MYO1H: variants seen among roughly 807,000 people sequenced by gnomAD.
MYO1H encodes myosin IH.
MYO1H carries 118 observed loss-of-function variants against 149.3 expected under a neutral mutation model. The ratio of observed to expected loss-of-function variants is 0.79; its 90% confidence interval spans 0.68 to 0.92. MYO1H has a LOEUF of 0.92. Among genes scored for constraint, MYO1H ranks in the 40% least tolerant of loss-of-function variants. The probability of loss-of-function intolerance (pLI) is 0.00; values close to 1 mark genes in which losing one functional copy is unlikely to be tolerated. For synonymous variants in MYO1H, 447 were observed against 465.2 expected (o/e 0.96, Z 0.50); for missense variants, 1,212 against 1,280.7 (o/e 0.95, Z 0.82).
At chr12:109,441,804 T>C in intron 26 of MYO1H, 96 bp downstream of exon 26, 4 of 819,172 alleles carry the variant, frequency 4.9e-6, no homozygotes, top group Non-Finnish European at 7.6e-6. Flanking sequence ...CTCAGCACTT[T>C]GGGAGGCCGA....
intron 1 of MYO1H, among the ~76,000 whole-genome samples, chr12:109,369,401 A>G (rs568158755): frequency 1.3e-5 from 2 of 152,336 alleles, no homozygotes; most frequent in South Asian, 4.1e-4. Context: ...AAACCAAATG[A>G]TATCGAGGCA....
At chr12:109,363,558 C>A (rs1002746936) in intron 1 of MYO1H, among the ~76,000 whole-genome samples, 3 of 151,894 alleles carry the variant, frequency 2.0e-5, no homozygotes, top group Non-Finnish European at 4.4e-5. Flanking sequence ...ACTAAAAATA[C>A]AAAATTAGCT....
At chr12:109,312,333 C>T in the MYO1H span, among the ~76,000 whole-genome samples, 431 of 152,300 alleles carry the variant, frequency 2.8e-3, 7 homozygotes, top group Non-Finnish European at 5.1e-4. Flanking sequence ...CTGCCTCAGC[C>T]TCCCGAGTAG....
chr12:109,398,845 TA>T (rs1250150969), intron 5 of MYO1H, among the ~76,000 whole-genome samples: 2 of 151,566 alleles, frequency 1.3e-5, no homozygotes, highest in African/African-American at 4.8e-5. Context: ...TACAGCCAGA[TA>T]GTAAGTATTT....
rs747619015 is a variant in MYO1H at position 109,415,606 on chromosome 12, C to T, written c.1583C>T (p.Thr528Ile). Residue 528 changes from threonine to isoleucine, a missense_variant, in exon 15 of 32, where the codon ACA (threonine) becomes ATA (isoleucine). Coordinates refer to ENST00000310903, the Ensembl canonical transcript of MYO1H. The stretch of plus-strand genomic sequence containing the variant: ...CTCCTCCACTATGCAGGAGAGGTCA[C>T]ATACTGCACCAAGGGTGAGTGGCCG... 1.2e-6 allele frequency: 2 copies of T among 1,600,664 alleles called. No homozygotes were observed. Among genetic ancestry groups the T allele is most frequent in the East Asian group, 4.5e-5 (2 of 44,372 alleles).
chr12:109,406,466 TTAAAAAAA>T (rs1302033078), intron 8 of MYO1H, among the ~76,000 whole-genome samples: 6,038 of 101,548 alleles, frequency 0.059, 281 homozygotes, highest in Middle Eastern at 0.14. Flanking sequence ...ACCCTATCTC[TTAAAAAAA>T]AAAAAAAAAA....
the MYO1H span, among the ~76,000 whole-genome samples, chr12:109,340,241 A>G: frequency 1.3e-5 from 2 of 152,084 alleles, no homozygotes; most frequent in East Asian, 1.9e-4. Context: ...AGTGAGTGGC[A>G]TGATTCTCAG....
chr12:109,442,795 CTTTTTTTTTTTTT>C (rs747073389), intron 27 of MYO1H, among the ~76,000 whole-genome samples: 15,289 of 94,048 alleles, frequency 0.16, 1,221 homozygotes, highest in African/African-American at 0.29. Context: ...AGTGTCTGCT[CTTTTTTTTTTTTT>C]TTTTTTTTTT....
At chr12:109,330,717 A>C in the MYO1H span, among the ~76,000 whole-genome samples, 1 of 152,152 alleles carries the variant, frequency 6.6e-6, no homozygotes, top group African/African-American at 2.4e-5. Context: ...CTAGAACGAA[A>C]CACCACCCAG....
intron 16 of MYO1H, among the ~76,000 whole-genome samples, chr12:109,422,351 C>A (rs747020122): frequency 6.6e-6 from 1 of 152,156 alleles, no homozygotes; most frequent in African/African-American, 2.4e-5. Flanking sequence ...ACGAGCAACT[C>A]CTGACTTTGG....
At chr12:109,353,144 C>G (rs945033078) in intron 1 of MYO1H, among the ~76,000 whole-genome samples, 1 of 151,802 alleles carries the variant, frequency 6.6e-6, no homozygotes, top group African/African-American at 2.4e-5. Flanking sequence ...GCCTGTAATC[C>G]CAGCATTTTG....
chr12:109,386,567 T>G (rs566274264), intron 1 of MYO1H, among the ~76,000 whole-genome samples: 1 of 152,332 alleles, frequency 6.6e-6, no homozygotes, highest in Non-Finnish European at 1.5e-5. Context: ...TCATTGTGGT[T>G]TTAATTTGTG....
At position 109,410,782 on chromosome 12, in the gene MYO1H, A is replaced by G; in HGVS notation, c.1410+14A>G. On this transcript the variant is annotated intron_variant, in intron 13 of 31. Coordinates refer to ENST00000310903, the Ensembl canonical transcript of MYO1H. ...ATATCTATTCTGGTGAGAAAAATGA[A>G]TGTTGCATTAGAGCTATTCACCCGG... The G allele has an allele frequency of 6.7e-7, 1 of 1,485,068 alleles. No homozygotes were observed. The highest frequency in any genetic ancestry group is 9.3e-7 in the Non-Finnish European group (1 of 1,072,986). 92.0% of individuals were successfully genotyped at this position (1,485,068 alleles called of 1,614,324 possible).
the MYO1H span, among the ~76,000 whole-genome samples, chr12:109,333,643 G>A: frequency 6.6e-6 from 1 of 152,160 alleles, no homozygotes; most frequent in Non-Finnish European, 1.5e-5. Context: ...GAGACAGATG[G>A]TTCCTGACTT....
chr12:109,442,030 G>C (rs1872154368), intron 26 of MYO1H, among the ~76,000 whole-genome samples, 187 bp from the exon 27 acceptor site: 1 of 152,160 alleles, frequency 6.6e-6, no homozygotes, highest in Non-Finnish European at 1.5e-5. Context: ...CTGGGAGACA[G>C]AGCGAGACTC....
the MYO1H span, among the ~76,000 whole-genome samples, chr12:109,321,372 A>C: frequency 5.9e-5 from 9 of 152,068 alleles, no homozygotes; most frequent in South Asian, 1.9e-3. Context: ...CAATATGGTG[A>C]AACCCCCTTG....
At chr12:109,339,640 A>G in the MYO1H span, among the ~76,000 whole-genome samples, 1 of 152,372 alleles carries the variant, frequency 6.6e-6, no homozygotes, top group South Asian at 2.1e-4. Flanking sequence ...GCTCTTGCAA[A>G]TAAATTAGAA....
chr12:109,360,857 G>A (rs767768531), intron 1 of MYO1H, among the ~76,000 whole-genome samples: 76 of 152,122 alleles, frequency 5.0e-4, no homozygotes, highest in African/African-American at 8.2e-4. Flanking sequence ...TATGTTAGGG[G>A]AGAAATAGAA....
At chr12:109,416,962 G>A (rs1379891788) in intron 15 of MYO1H, among the ~76,000 whole-genome samples, 6 of 151,632 alleles carry the variant, frequency 4.0e-5, no homozygotes, top group Non-Finnish European at 7.4e-5. Flanking sequence ...AGTTGAGATC[G>A]CGCCATTGCA....
Sources: gnomAD v4.1 joint callset for allele counts (sites outside exome capture counted in the v4.1 genomes callset) on GRCh38, gnomAD v4.1.1 for gene constraint, MANE v1.5 for transcripts, NCBI Gene and HGNC (gene_info 2026-07-23, HGNC 2026-07-21) for gene names.